TRPV4: variants seen among roughly 807,000 people sequenced by gnomAD.
TRPV4 encodes the protein OSM9-like transient receptor potential channel 4.
In TRPV4, 58 loss-of-function variants were observed where a neutral mutation model predicts 84.1. The ratio of observed to expected loss-of-function variants is 0.69; its 90% CI spans 0.56 to 0.86. The LOEUF is 0.86. TRPV4 is among the 40% of genes least tolerant of loss of function. TRPV4 has a pLI of 0.00. For synonymous variants in TRPV4, 489 were observed against 500.9 expected (o/e 0.98, Z 0.32); for missense variants, 879 against 1,181.1 (o/e 0.74, Z 3.75).
At chr12:109,816,575 C>T (rs1189846742) in intron 1 of TRPV4, among the ~76,000 whole-genome samples, 3 of 152,074 alleles carry the variant, frequency 2.0e-5, no homozygotes, top group African/African-American at 4.8e-5. Flanking sequence ...GTCAGGAGTT[C>T]GAGACCAGCC....
rs1234380387 is a variant in TRPV4 at position 109,814,736 on chromosome 12, C to A, written c.61G>T (p.Asp21Tyr). The change falls in exon 2 of 16, where the codon GAT becomes TAT. Residue 21 changes from aspartate to tyrosine, a missense_variant. Around this residue, in one of 4 missense-constraint regions of TRPV4, gnomAD observed 107 missense variants for 99.4 expected, o/e 1.08. Coordinates refer to ENST00000261740, the MANE Select transcript of TRPV4 (RefSeq NM_021625.5). The surrounding 1 kb of genome is among the most constrained non-coding windows in gnomAD (Gnocchi z 5.4). ...GPGEVAELPG[D>Y]ESGTPGGEAF... Reference sequence around the variant, plus strand: ...TCCCCACCTGGGGTGCCACTCTCATCCCCGGGGAGCTCAGCCACCTCCCCG... The same window carrying A: ...TCCCCACCTGGGGTGCCACTCTCATACCCGGGGAGCTCAGCCACCTCCCCG... 2 of 1,590,234 alleles carry A rather than the reference C, an allele frequency of 1.3e-6. No individual in the cohort carries two copies. The highest frequency in any genetic ancestry group is 8.5e-7 in the Non-Finnish European group (1 of 1,169,694).
intron 1 of TRPV4, among the ~76,000 whole-genome samples, chr12:109,817,142 G>A (rs1891887829): frequency 6.6e-6 from 1 of 152,130 alleles, no homozygotes; most frequent in African/African-American, 2.4e-5. Context: ...AGTCCCTCAT[G>A]GCTGCCACAT....
In TRPV4 at chr12:109,796,748, A is replaced by G; in HGVS notation, c.1153-44T>C. 1.9e-6 allele frequency: 3 copies of G among 1,576,644 alleles called. No individual in the cohort carries two copies. Among genetic ancestry groups the G allele is most frequent in the Non-Finnish European group, 2.6e-6 (3 of 1,159,610 alleles). On this transcript the variant is annotated intron_variant, in intron 6 of 15. Coordinates refer to ENST00000261740, the MANE Select transcript of TRPV4 (RefSeq NM_021625.5). This position sits in a 1 kb window ranked among gnomAD's most constrained non-coding sequence, Gnocchi z 4.2. ...GGGTCAGGGGGCTCACACTGGAAAGACCCCCAGGGCTGGGCCCAGCTCAGC... is the reference window on the plus strand; with the variant it reads ...GGGTCAGGGGGCTCACACTGGAAAGGCCCCCAGGGCTGGGCCCAGCTCAGC...
At chr12:109,825,397 C>T (rs960824579) in intron 1 of TRPV4, among the ~76,000 whole-genome samples, 2 of 152,026 alleles carry the variant, frequency 1.3e-5, no homozygotes, top group African/African-American at 4.8e-5. Context: ...CTTAACCCCA[C>T]CCAGGTCGTA....
intron 2 of TRPV4, 125 bp from the exon 3 acceptor site, chr12:109,808,593 T>A: frequency 1.2e-6 from 1 of 850,366 alleles, no homozygotes; most frequent in Non-Finnish European, 1.8e-6. Flanking sequence ...AGGAACAGGG[T>A]GAGGTAGTTG....
Position 109,811,452 on chromosome 12 carries a change from G to C in TRPV4, c.386+2959C>G, listed in dbSNP as rs989089633. Among the ~76,000 whole-genome samples, 3 of 152,190 alleles carry C rather than the reference G, an allele frequency of 2.0e-5. No homozygotes were observed. The East Asian group carries it at 5.8e-4, about 29-fold the overall frequency. On this transcript the variant is annotated intron_variant, in intron 2 of 15. Coordinates refer to ENST00000261740, the MANE Select transcript of TRPV4 (RefSeq NM_021625.5). ...GTGGGCAGGTCACTTGAGGACAGTA[G>C]TTCGAGACTAGCCTGGCCAACATGG...
rs1890574799 is a variant in TRPV4 at position 109,798,666 on chromosome 12, T to C, written c.1100A>G (p.Asn367Ser). 6.2e-7 allele frequency: 1 copy of C among 1,613,438 alleles called. No individual in the cohort carries two copies. Residue 367 changes from asparagine (N) to serine (S), a missense_variant, in exon 6 of 16, where the codon AAC (asparagine) becomes AGC (serine). Transcript: ENST00000261740. This position sits in a 1 kb window ranked among gnomAD's most constrained non-coding sequence, Gnocchi z 5.0. ...CATGAGGGGCGAGAGGCCGTCGTTG[T>C]TGAGCACGGCCTCCAGGTTGCTGTC... ...FPDSNLEAVLNNDGLSPLMMA... is the reference protein window; with the variant it reads ...FPDSNLEAVLSNDGLSPLMMA...
At chr12:109,829,919 G>A (rs373862327) in intron 1 of TRPV4, among the ~76,000 whole-genome samples, 2 of 152,192 alleles carry the variant, frequency 1.3e-5, no homozygotes, top group Non-Finnish European at 2.9e-5. Context: ...GGGCTTAAGC[G>A]ATCCTCCCAC....
intron 12 of TRPV4, 61 bp from the exon 13 acceptor site, chr12:109,788,777 T>C: frequency 1.3e-6 from 2 of 1,591,198 alleles, no homozygotes; most frequent in Admixed American, 3.3e-5. Context: ...AGGTGGAGGG[T>C]GTCATTCTCA....
rs754513686 is a variant in TRPV4, at chr12:109,814,396, G to C, written c.386+15C>G. On this transcript the variant is annotated intron_variant, in intron 2 of 15. Transcript: ENST00000261740. The surrounding 1 kb of genome is among the most constrained non-coding windows in gnomAD (Gnocchi z 5.4). ...AGAGGAGGAGACCACAGGCCAGGAA[G>C]CTAACAATACTCACTCTATGATCTT... 8 of 1,613,256 alleles carry C rather than the reference G, an allele frequency of 5.0e-6. No homozygotes were observed. In the East Asian group the frequency reaches 1.8e-4, roughly 36 times the overall value.
In TRPV4 at chr12:109,783,694, A is replaced by G; in HGVS notation, c.2543T>C (p.Met848Thr). The G allele has an allele frequency of 6.2e-7, 1 of 1,613,752 alleles. No homozygotes were observed. Among genetic ancestry groups the G allele is most frequent in the Non-Finnish European group, 8.5e-7 (1 of 1,179,980 alleles). Reference sequence around the variant, plus strand: ...GTGGCCATCGCAGCGGGGGTTCCCCATGCTGTCCAGAGGCACCACCACCTC... The same window carrying G: ...GTGGCCATCGCAGCGGGGGTTCCCCGTGCTGTCCAGAGGCACCACCACCTC... ...PDEVVVPLDS[M>T]GNPRCDGHQQ... The change falls in exon 16 of 16, where the codon ATG (methionine) becomes ACG (threonine). Residue 848 changes from methionine (M) to threonine (T), a missense_variant. By Grantham distance (81) the Met-to-Thr change is moderately conservative. Around this residue, in one of 4 missense-constraint regions of TRPV4, gnomAD observed 242 missense variants for 355.3 expected, o/e 0.68. Coordinates refer to ENST00000261740, the MANE Select transcript of TRPV4 (RefSeq NM_021625.5). This position sits in a 1 kb window ranked among gnomAD's most constrained non-coding sequence, Gnocchi z 4.6.
At position 109,788,671 on chromosome 12, in the gene TRPV4, T is replaced by C. The variant is rs1424878956; in HGVS notation, c.1937A>G (p.Asn646Ser). The change falls in exon 13 of 16, where the codon AAT becomes AGT. Residue 646 changes from asparagine (N) to serine (S), a missense_variant. This residue lies in a region of TRPV4 where 242 missense variants were observed against 355.3 expected (regional missense o/e 0.68). Transcript: ENST00000261740. ...CACTGTGCAGTTGGTCTGGTCCTCA[T>C]TGCACACCTTCATGTTGGCACACGG... ...LNPCANMKVC[N>S]EDQTNCTVPT... The C allele has an allele frequency of 3.1e-6, 5 of 1,614,014 alleles. No homozygotes were observed. The East Asian group carries it at 6.7e-5, about 22-fold the overall frequency.
chr12:109,832,146 C>T (rs1302134454), intron 1 of TRPV4, among the ~76,000 whole-genome samples: 1 of 152,164 alleles, frequency 6.6e-6, no homozygotes, highest in Non-Finnish European at 1.5e-5. Context: ...AAGGCTCAGA[C>T]AGCTAAGGGA....
chr12:109,797,327 T>G (rs1328962436), intron 6 of TRPV4, among the ~76,000 whole-genome samples: 1 of 152,186 alleles, frequency 6.6e-6, no homozygotes, highest in Non-Finnish European at 1.5e-5. Flanking sequence ...AATATTTTTG[T>G]ATTTTTAGTA....
chr12:109,784,985 T>G (rs991032446), intron 14 of TRPV4, among the ~76,000 whole-genome samples: 2 of 152,108 alleles, frequency 1.3e-5, no homozygotes, highest in South Asian at 4.2e-4. Context: ...CAGCTATCTA[T>G]TTCCAAAATT....
At chr12:109,792,598 G>C in intron 11 of TRPV4, 54 bp downstream of exon 11, 1 of 1,607,014 alleles carries the variant, frequency 6.2e-7, no homozygotes, top group East Asian at 2.2e-5. Flanking sequence ...CATGTGGTGT[G>C]TGTGTGACTC....
chr12:109,784,623 A>G (rs917900957), intron 14 of TRPV4, among the ~76,000 whole-genome samples, 186 bp from the exon 15 acceptor site: 2 of 151,954 alleles, frequency 1.3e-5, no homozygotes, highest in African/African-American at 4.8e-5. Context: ...TGAGGTCAGG[A>G]GTTCGAGACC....
intron 1 of TRPV4, among the ~76,000 whole-genome samples, chr12:109,817,305 C>T (rs577540852): frequency 2.6e-5 from 4 of 152,178 alleles, no homozygotes; most frequent in East Asian, 1.9e-4. Flanking sequence ...CAGGGGGAGA[C>T]GAGGCATCAG....
chr12:109,800,972 T>C (rs1165514009), intron 4 of TRPV4, among the ~76,000 whole-genome samples: 3 of 152,232 alleles, frequency 2.0e-5, no homozygotes, highest in Non-Finnish European at 4.4e-5. Flanking sequence ...GATACCTAGT[T>C]TGTGGAATCC....
Sources: gnomAD v4.1 joint callset for allele counts (sites outside exome capture counted in the v4.1 genomes callset) on GRCh38, gnomAD v4.1.1 for gene constraint, gnomAD v4.1.1 regional missense constraint, Gnocchi (gnomAD v3.1) non-coding constraint, MANE v1.5 for transcripts, NCBI Gene and HGNC (gene_info 2026-07-23, HGNC 2026-07-21) for gene names.